The following CHCHD3 variants were observed in gnomAD, a reference collection of about 807,000 sequenced individuals.
CHCHD3 encodes the protein coiled-coil-helix-coiled-coil-helix domain containing 3, also known as MICOS complex subunit MIC19.
A neutral mutation model predicts 38.2 loss-of-function variants in CHCHD3; 20 were observed. The ratio of observed to expected loss-of-function variants is 0.52; its 90% confidence interval spans 0.37 to 0.76. The LOEUF is 0.76. Among genes scored for constraint, CHCHD3 ranks in the 30% least tolerant of loss-of-function variants. The pLI is 0.00. For synonymous variants in CHCHD3, 82 were observed against 100.0 expected (o/e 0.82, Z 1.07); for missense variants, 245 against 279.2 (o/e 0.88, Z 0.87).
chr7:132,789,715 G>A (rs576058340), intron 7 of CHCHD3, among the ~76,000 whole-genome samples: 8 of 152,164 alleles, frequency 5.3e-5, no homozygotes, highest in African/African-American at 1.4e-4. Flanking sequence ...GAAGAAAAGC[G>A]GTTTGTTTTT....
chr7:132,803,385 G>A (rs556766632), intron 6 of CHCHD3, among the ~76,000 whole-genome samples: 9 of 152,070 alleles, frequency 5.9e-5, no homozygotes, highest in African/African-American at 1.7e-4. Context: ...TAAAGGCATG[G>A]CATTTACTCT....
intron 4 of CHCHD3, among the ~76,000 whole-genome samples, chr7:132,894,319 A>T (rs1809441663): frequency 6.6e-6 from 1 of 152,198 alleles, no homozygotes; most frequent in Non-Finnish European, 1.5e-5. Context: ...ACTATGACAC[A>T]GTAAGAAACT....
chr7:133,006,046 A>G (rs1387443196), intron 3 of CHCHD3, among the ~76,000 whole-genome samples: 4 of 152,238 alleles, frequency 2.6e-5, no homozygotes, highest in African/African-American at 4.8e-5. Flanking sequence ...ATTAAGTTAC[A>G]GATTTCTTAA....
chr7:132,884,619 C>A lies in CHCHD3; in HGVS notation c.453+1043G>T, dbSNP rs945741050. Among the ~76,000 whole-genome samples, 79 of 152,080 alleles carry A rather than the reference C, an allele frequency of 5.2e-4. 1 individual carries two copies. The highest frequency in any genetic ancestry group is 1.7e-3 in the African/African-American group (71 of 41,428). Reference sequence around the variant, plus strand: ...TGTATTTCTTATTTTTTCCTATTTTCTTATCAAATAACATTTTCAACAAAT... The same window carrying A: ...TGTATTTCTTATTTTTTCCTATTTTATTATCAAATAACATTTTCAACAAAT... On this transcript the variant is annotated intron_variant, in intron 5 of 7. Transcript: ENST00000262570.
intron 6 of CHCHD3, among the ~76,000 whole-genome samples, chr7:132,810,231 T>C (rs1232037220): frequency 1.3e-4 from 20 of 152,160 alleles, no homozygotes. Flanking sequence ...AAATTAAATA[T>C]AAAAACTAGA....
chr7:132,878,645 T>C (rs936489634), intron 5 of CHCHD3, among the ~76,000 whole-genome samples: 1 of 152,208 alleles, frequency 6.6e-6, no homozygotes, highest in Admixed American at 6.5e-5. Flanking sequence ...CTGCAGTCTG[T>C]ATGCAAATTG....
chr7:133,015,569 G>A (rs1813007319), intron 3 of CHCHD3, among the ~76,000 whole-genome samples: 2 of 151,964 alleles, frequency 1.3e-5, no homozygotes, highest in Non-Finnish European at 2.9e-5. Flanking sequence ...TTTACTAAAG[G>A]TTTATAAGAG....
intron 6 of CHCHD3, among the ~76,000 whole-genome samples, chr7:132,797,235 G>A (rs768998630): frequency 5.9e-5 from 9 of 151,888 alleles, no homozygotes; most frequent in Non-Finnish European, 1.3e-4. Context: ...CCAATTCAGG[G>A]TTTCGTTCTT....
At chr7:132,950,674 T>C (rs554453133) in intron 4 of CHCHD3, among the ~76,000 whole-genome samples, 2 of 152,302 alleles carry the variant, frequency 1.3e-5, no homozygotes, top group East Asian at 3.9e-4. Flanking sequence ...AAGAAGGTTT[T>C]TTTTCATTAA....
chr7:132,948,460 G>A (rs181776477), intron 4 of CHCHD3, among the ~76,000 whole-genome samples: 2 of 152,124 alleles, frequency 1.3e-5, no homozygotes, highest in Non-Finnish European at 2.9e-5. Flanking sequence ...AGTAGAAAAC[G>A]TAACAGCTTC....
At chr7:133,015,162 C>T (rs181568865) in intron 3 of CHCHD3, among the ~76,000 whole-genome samples, 22 of 151,888 alleles carry the variant, frequency 1.4e-4, no homozygotes, top group Non-Finnish European at 2.4e-4. Context: ...TCCAACATGG[C>T]GAAACCCTGT....
In CHCHD3 at chr7:133,035,755, CG is replaced by C. The variant is rs1348055567; in HGVS notation, c.170-11129del. On this transcript the variant is annotated intron_variant, in intron 2 of 7. Transcript: ENST00000262570. The surrounding 1 kb of genome is among the most constrained non-coding windows in gnomAD (Gnocchi z 4.7). ...TCACCCTCAAATGCTGGGACCTTGC[CG>C]GCAGGAAATTTGCGAAGAAATTCAG... The C allele has an allele frequency of 6.2e-6, 10 of 1,613,190 alleles. No homozygotes were observed. In the African/African-American group the frequency reaches 1.2e-4, roughly 19 times the overall value.
intron 5 of CHCHD3, among the ~76,000 whole-genome samples, chr7:132,865,591 T>C (rs7795694): frequency 0.22 from 33,104 of 152,096 alleles, 3,860 homozygotes; most frequent in South Asian, 0.26. Flanking sequence ...CAGCAGTTAC[T>C]ATTGTTACTG....
intron 4 of CHCHD3, among the ~76,000 whole-genome samples, chr7:132,890,427 G>C (rs747397198): frequency 2.6e-5 from 4 of 152,056 alleles, no homozygotes; most frequent in African/African-American, 7.2e-5. Context: ...CACACTTTTC[G>C]GCATTACTAC....
chr7:132,864,744 T>C (rs1808575569), intron 5 of CHCHD3, among the ~76,000 whole-genome samples: 1 of 152,136 alleles, frequency 6.6e-6, no homozygotes. Context: ...TACCATCCTC[T>C]TTCCATGCCG....
chr7:132,965,012 C>T (rs375661059), intron 4 of CHCHD3, among the ~76,000 whole-genome samples: 4 of 151,654 alleles, frequency 2.6e-5, no homozygotes, highest in East Asian at 1.9e-4. Context: ...CGAGTAGTTA[C>T]GGCTGCCTGC....
At chr7:132,807,963 T>A (rs1237097632) in intron 6 of CHCHD3, among the ~76,000 whole-genome samples, 1 of 152,136 alleles carries the variant, frequency 6.6e-6, no homozygotes, top group Non-Finnish European at 1.5e-5. Flanking sequence ...CTAATGGTGA[T>A]GCCATTTCCA....
chr7:132,901,556 T>C (rs1585620454), intron 4 of CHCHD3, among the ~76,000 whole-genome samples: 1 of 152,244 alleles, frequency 6.6e-6, no homozygotes, highest in East Asian at 1.9e-4. Flanking sequence ...TGTTCTTCTC[T>C]GATGGCCAGT....
chr7:132,859,147 G>C (rs991798508), intron 5 of CHCHD3, among the ~76,000 whole-genome samples: 4 of 152,128 alleles, frequency 2.6e-5, no homozygotes, highest in Non-Finnish European at 5.9e-5. Flanking sequence ...CAATTAGAAG[G>C]CTTTGTGTAG....
Sources: allele counts gnomAD v4.1 joint callset (sites outside exome capture counted in the v4.1 genomes callset), GRCh38; gene constraint gnomAD v4.1.1; non-coding constraint Gnocchi (gnomAD v3.1); transcripts MANE v1.5; gene names NCBI Gene and HGNC (gene_info 2026-07-23, HGNC 2026-07-21).